The following EYS variants were observed in gnomAD, a reference collection of about 807,000 sequenced individuals.
EYS encodes protein eyes shut homolog.
A neutral mutation model predicts 282.1 loss-of-function variants in EYS; 250 were observed. That is an observed-to-expected ratio of 0.89 (90% CI 0.80 to 0.98). The LOEUF is 0.98. EYS is among the 50% of genes least tolerant of loss of function. The pLI, the probability that EYS is intolerant of heterozygous loss-of-function variation, is 0.00. For synonymous variants in EYS, 1,355 were observed against 1,282.9 expected, an observed-to-expected ratio of 1.06 and a Z score of -1.20; for missense variants, 4,016 against 3,709.0, an observed-to-expected ratio of 1.08 and a Z score of -2.15.
intron 22 of EYS, among the ~76,000 whole-genome samples, chr6:64,806,966 C>A (rs1476669608): frequency 6.6e-6 from 1 of 152,098 alleles, no homozygotes; most frequent in Non-Finnish European, 1.5e-5. Flanking sequence ...TTTCTGTAGT[C>A]CTCTGCTGTG....
chr6:65,368,268 G>A (rs896945926), intron 8 of EYS, among the ~76,000 whole-genome samples: 1 of 151,546 alleles, frequency 6.6e-6, no homozygotes, highest in African/African-American at 2.4e-5. Context: ...TGAGATTTGG[G>A]TAGGGACACA....
At chr6:64,107,285 T>TTATATATATATATATATATATATA (rs55756711) in intron 31 of EYS, among the ~76,000 whole-genome samples, 126 of 101,474 alleles carry the variant, frequency 1.2e-3, no homozygotes, top group Non-Finnish European at 2.1e-3. Context: ...ATATATATAT[T>TTATATATATATATATATATATATA]TATATATATA....
intron 1 of EYS, among the ~76,000 whole-genome samples, chr6:65,702,374 C>G (rs1177216598): frequency 1.3e-5 from 2 of 152,020 alleles, no homozygotes; most frequent in African/African-American, 2.4e-5. Context: ...CTGTAATAAC[C>G]AAGAAAACAG....
At position 64,091,384 on chromosome 6, in the gene EYS, C is replaced by T. The variant is rs147460935; in HGVS notation, c.6425-9382G>A. On this transcript the variant is annotated intron_variant, in intron 31 of 42. Coordinates refer to ENST00000503581, the MANE Select transcript of EYS (RefSeq NM_001142800.2). ...TTTCTTCCCTCACCCCCAGATTAAC[C>T]TTTCCCAGAGACAGAGAAAGCCAGC... Among the ~76,000 whole-genome samples, 633 of 152,226 alleles carry T rather than the reference C, an allele frequency of 4.2e-3. 3 individuals are homozygous for T. Among genetic ancestry groups the T allele is most frequent in the African/African-American group, 0.014 (601 of 41,556 alleles).
intron 12 of EYS, among the ~76,000 whole-genome samples, chr6:65,173,385 AT>A (rs1339345178): frequency 2.6e-5 from 4 of 151,370 alleles, no homozygotes; most frequent in Middle Eastern, 6.8e-3. Flanking sequence ...TAAAATATGA[AT>A]CAGAAGAATA....
chr6:63,830,373 A>C (rs373621034), intron 36 of EYS, among the ~76,000 whole-genome samples: 104 of 152,332 alleles, frequency 6.8e-4, no homozygotes, highest in Middle Eastern at 3.4e-3. Flanking sequence ...AGAAGACCTT[A>C]AATGACCTGA....
intron 26 of EYS, among the ~76,000 whole-genome samples, chr6:64,496,941 T>C (rs1776907803): frequency 6.6e-6 from 1 of 152,102 alleles, no homozygotes; most frequent in Non-Finnish European, 1.5e-5. Flanking sequence ...AAAGGATTTA[T>C]GCCATAGTAT....
intron 22 of EYS, among the ~76,000 whole-genome samples, chr6:64,674,813 T>C (rs1769596363): frequency 6.6e-6 from 1 of 151,532 alleles, no homozygotes; most frequent in Non-Finnish European, 1.5e-5. Flanking sequence ...TACTTACACA[T>C]ACATTTCTAC....
At chr6:64,897,378 T>C (rs1407178364) in intron 18 of EYS, among the ~76,000 whole-genome samples, 1 of 152,054 alleles carries the variant, frequency 6.6e-6, no homozygotes, top group Non-Finnish European at 1.5e-5. Context: ...GTTAGAAGGA[T>C]ATCTAACAGA....
intron 31 of EYS, among the ~76,000 whole-genome samples, chr6:64,215,602 T>C (rs1306618262): frequency 1.3e-5 from 2 of 152,126 alleles, no homozygotes; most frequent in African/African-American, 4.8e-5. Flanking sequence ...ACCAAGGTAT[T>C]TGCCAAATAT....
chr6:64,398,394 T>C (rs1582702311), intron 28 of EYS, among the ~76,000 whole-genome samples: 1 of 152,066 alleles, frequency 6.6e-6, no homozygotes, highest in East Asian at 1.9e-4. Context: ...TTGAAATATG[T>C]TGACTCAGGC....
At chr6:64,414,239 T>G (rs1053398832) in intron 28 of EYS, among the ~76,000 whole-genome samples, 1 of 152,088 alleles carries the variant, frequency 6.6e-6, no homozygotes, top group South Asian at 2.1e-4. Flanking sequence ...CAAATAAATA[T>G]CTGAAAGTTA....
chr6:64,327,443 G>C (rs936916931), intron 29 of EYS, among the ~76,000 whole-genome samples: 4 of 152,118 alleles, frequency 2.6e-5, no homozygotes, highest in Non-Finnish European at 5.9e-5. Flanking sequence ...CAGAAACTGA[G>C]GACCCTTTGT....
intron 35 of EYS, among the ~76,000 whole-genome samples, chr6:63,930,314 A>G (rs1764850465): frequency 7.7e-6 from 1 of 130,316 alleles, no homozygotes; most frequent in Non-Finnish European, 1.6e-5. Flanking sequence ...AAAAAGTGTC[A>G]AGGTTGATCA....
chr6:64,889,129 A>AT (rs926170575), intron 18 of EYS, among the ~76,000 whole-genome samples: 7 of 151,810 alleles, frequency 4.6e-5, no homozygotes, highest in East Asian at 3.9e-4. Flanking sequence ...AATTGTTTCA[A>AT]TTTTTTTTAA....
chr6:63,897,982 C>T (rs1217114101), intron 35 of EYS, among the ~76,000 whole-genome samples: 1 of 152,100 alleles, frequency 6.6e-6, no homozygotes, highest in Non-Finnish European at 1.5e-5. Flanking sequence ...CTCATGAAAC[C>T]TGAGGAGAGT....
At chr6:64,530,579 G>T (rs2150531299) in intron 26 of EYS, among the ~76,000 whole-genome samples, 1 of 151,970 alleles carries the variant, frequency 6.6e-6, no homozygotes, top group East Asian at 1.9e-4. Context: ...ATTACTGTGA[G>T]GTTTTCTTTA....
At chr6:64,106,223 T>A (rs1773004711) in intron 31 of EYS, among the ~76,000 whole-genome samples, 1 of 152,126 alleles carries the variant, frequency 6.6e-6, no homozygotes, top group Non-Finnish European at 1.5e-5. Flanking sequence ...AATTGAACTT[T>A]TTTTAAAAAA....
chr6:63,942,231 A>G (rs1045714268), intron 35 of EYS, among the ~76,000 whole-genome samples: 7 of 152,214 alleles, frequency 4.6e-5, no homozygotes, highest in African/African-American at 1.7e-4. Context: ...AAAAAATGTC[A>G]TCATTGTTAT....
Sources: gnomAD v4.1 joint callset for allele counts (sites outside exome capture counted in the v4.1 genomes callset) on GRCh38, gnomAD v4.1.1 for gene constraint, MANE v1.5 for transcripts, NCBI Gene and HGNC (gene_info 2026-07-23, HGNC 2026-07-21) for gene names.